CALN1: variants seen among roughly 807,000 people sequenced by gnomAD.
CALN1 encodes the protein calcium-binding protein 8.
Under a neutral mutation model 30.6 loss-of-function variants are expected in CALN1, and 17 were observed. The observed-to-expected ratio is 0.56, with a 90% CI of 0.38 to 0.83. CALN1 has a LOEUF of 0.83. Among genes scored for constraint, CALN1 ranks in the 40% least tolerant of loss-of-function variants. The pLI is 0.00. For synonymous variants in CALN1, 156 were observed against 131.4 expected (o/e 1.19, Z -1.28); for missense variants, 291 against 354.9 (o/e 0.82, Z 1.45).
In CALN1 at chr7:71,783,875, C is replaced by T. The variant is rs1250099523; in HGVS notation, c.*3900G>A. 1 of 152,450 alleles carries T rather than the reference C, an allele frequency of 6.6e-6. No homozygotes were observed. Among genetic ancestry groups the T allele is most frequent in the Non-Finnish European group, 1.5e-5 (1 of 68,032 alleles). 9.4% of individuals were successfully genotyped at this position (152,450 alleles called of 1,614,324 possible). A position where few individuals can be genotyped will look rare whatever the true frequency, so the allele number is the denominator to read the frequency against. On this transcript the variant is annotated 3_prime_UTR_variant, in exon 7 of 7. Transcript: ENST00000395275. Reference sequence around the variant, plus strand: ...AACTGCAAGATCGTAGACCATTTGTCAAGTGAGATTTGAGACAGGGCAGGT... The same window carrying T: ...AACTGCAAGATCGTAGACCATTTGTTAAGTGAGATTTGAGACAGGGCAGGT...
At chr7:72,294,211 A>G (rs1035313397) in intron 2 of CALN1, among the ~76,000 whole-genome samples, 2 of 152,176 alleles carry the variant, frequency 1.3e-5, no homozygotes, top group African/African-American at 2.4e-5. Context: ...TGGGTCACTT[A>G]AATTAAAATA....
At chr7:72,148,412 T>TAAAAAAAAG (rs139381476) in intron 3 of CALN1, among the ~76,000 whole-genome samples, 1,720 of 126,296 alleles carry the variant, frequency 0.014, 36 homozygotes, top group African/African-American at 0.05. Context: ...TACAAAAAAG[T>TAAAAAAAAG]AAAAAAAAGA....
intron 5 of CALN1, among the ~76,000 whole-genome samples, chr7:71,848,007 C>T (rs370285283): frequency 7.9e-5 from 12 of 152,114 alleles, no homozygotes; most frequent in African/African-American, 2.7e-4. Context: ...TATAAATTAC[C>T]CAGTCTCATC....
intron 2 of CALN1, among the ~76,000 whole-genome samples, chr7:72,380,017 G>C (rs577330866): frequency 3.3e-5 from 5 of 152,342 alleles, no homozygotes; most frequent in African/African-American, 9.6e-5. Flanking sequence ...GTAATAGATG[G>C]AGAAGTATTA....
chr7:71,954,122 G>A (rs575362542), intron 5 of CALN1, among the ~76,000 whole-genome samples: 1 of 151,854 alleles, frequency 6.6e-6, no homozygotes, highest in Non-Finnish European at 1.5e-5. Context: ...CTAGGAATTT[G>A]AGGCCAACGT....
chr7:72,275,429 G>A lies in CALN1; in HGVS notation c.244+3257C>T, dbSNP rs189397363. Among the ~76,000 whole-genome samples, 390 of 152,298 alleles carry A rather than the reference G, an allele frequency of 2.6e-3. 1 individual carries two copies. In the Middle Eastern group the frequency reaches 0.034, roughly 13 times the overall value. On this transcript the variant is annotated intron_variant, in intron 3 of 6. Coordinates refer to ENST00000395275, the MANE Select transcript of CALN1 (RefSeq NM_031468.4). ...GTTGGTTTCCAGACCCTGCGTGCCT[G>A]CTCTAAAATCAGAACACATCCGCAC...
chr7:72,248,263 C>T (rs1475809907), intron 3 of CALN1, among the ~76,000 whole-genome samples: 1 of 152,130 alleles, frequency 6.6e-6, no homozygotes, highest in South Asian at 2.1e-4. Flanking sequence ...TACAAGTGCT[C>T]GCCACCACAC....
intron 3 of CALN1, among the ~76,000 whole-genome samples, chr7:72,198,507 A>G (rs1370383649): frequency 1.3e-5 from 2 of 152,070 alleles, no homozygotes; most frequent in Non-Finnish European, 2.9e-5. Context: ...AACTCTCCCA[A>G]ACAGGATTTC....
chr7:72,282,437 G>A (rs1428272327), intron 2 of CALN1, among the ~76,000 whole-genome samples: 2 of 152,172 alleles, frequency 1.3e-5, no homozygotes, highest in Non-Finnish European at 2.9e-5. Context: ...ACTCTAATGT[G>A]GTAGTATTAA....
the CALN1 span, among the ~76,000 whole-genome samples, chr7:72,487,890 A>AAAG: frequency 0.013 from 789 of 59,908 alleles, 21 homozygotes; most frequent in African/African-American, 0.039. Flanking sequence ...GAAAGAAAAG[A>AAAG]AAAGAAAGAA....
intron 2 of CALN1, among the ~76,000 whole-genome samples, chr7:72,307,776 C>G (rs1799750412): frequency 6.6e-6 from 1 of 152,066 alleles, no homozygotes; most frequent in South Asian, 2.1e-4. Flanking sequence ...ATGTCACCAG[C>G]AGGACACAAG....
At chr7:71,854,950 A>T (rs1323338276) in intron 5 of CALN1, among the ~76,000 whole-genome samples, 1 of 152,246 alleles carries the variant, frequency 6.6e-6, no homozygotes, top group African/African-American at 2.4e-5. Flanking sequence ...GCTGCAATTC[A>T]AAACGATGCT....
intron 3 of CALN1, among the ~76,000 whole-genome samples, chr7:72,143,749 G>A (rs1423015243): frequency 1.3e-5 from 2 of 152,222 alleles, no homozygotes; most frequent in Non-Finnish European, 2.9e-5. Context: ...CCCACAAAGG[G>A]AAGCCCATCA....
At chr7:72,475,873 T>A in the CALN1 span, among the ~76,000 whole-genome samples, 1 of 151,188 alleles carries the variant, frequency 6.6e-6, no homozygotes, top group Non-Finnish European at 1.5e-5. Flanking sequence ...TGAATAAGTC[T>A]CACGAGATCT....
At chr7:72,174,764 A>G (rs749990633) in intron 3 of CALN1, among the ~76,000 whole-genome samples, 47 of 152,198 alleles carry the variant, frequency 3.1e-4, no homozygotes, top group Non-Finnish European at 5.4e-4. Context: ...GGAGGAAGGA[A>G]GGAATTGCAA....
At chr7:72,007,605 T>C (rs1369077379) in intron 5 of CALN1, among the ~76,000 whole-genome samples, 1 of 152,174 alleles carries the variant, frequency 6.6e-6, no homozygotes, top group Admixed American at 6.5e-5. Context: ...CCTTATTCAT[T>C]ATCAATTTAT....
At chr7:72,420,129 C>T (rs1807559228) in intron 1 of CALN1, among the ~76,000 whole-genome samples, 1 of 152,156 alleles carries the variant, frequency 6.6e-6, no homozygotes, top group South Asian at 2.1e-4. Context: ...CAGTTCCTGC[C>T]CACGAAGGGG....
At chr7:72,014,240 C>A (rs1251666910) in intron 5 of CALN1, among the ~76,000 whole-genome samples, 2 of 152,046 alleles carry the variant, frequency 1.3e-5, no homozygotes, top group Non-Finnish European at 2.9e-5. Context: ...ATGTGCGCCA[C>A]CACGCCCAGC....
upstream of CALN1, among the ~76,000 whole-genome samples, chr7:72,413,337 C>A (rs1311377983): frequency 6.6e-6 from 1 of 150,934 alleles, no homozygotes; most frequent in Admixed American, 6.6e-5. Flanking sequence ...ACACTCACAT[C>A]CACACATACA....
Sources: allele counts gnomAD v4.1 joint callset (sites outside exome capture counted in the v4.1 genomes callset), GRCh38; gene constraint gnomAD v4.1.1; transcripts MANE v1.5; gene names NCBI Gene and HGNC (gene_info 2026-07-23, HGNC 2026-07-21).